The following ARPP21 variants were observed in gnomAD, a reference collection of about 807,000 sequenced individuals.
The protein encoded by ARPP21 is cAMP-regulated phosphoprotein 21.
A neutral mutation model predicts 113.2 loss-of-function variants in ARPP21; 69 were observed. The ratio of observed to expected loss-of-function variants is 0.61; its 90% confidence interval spans 0.50 to 0.74. The LOEUF (loss-of-function observed/expected upper bound fraction) is 0.74. Ranked by LOEUF, ARPP21 falls within the 30% of genes least tolerant of loss-of-function variation. ARPP21 has a pLI of 0.00. For missense variants in ARPP21, 1,070 were observed against 1,037.4 expected (o/e 1.03, Z -0.43); for synonymous variants, 368 against 375.5 (o/e 0.98, Z 0.23).
chr3:35,707,612 G>A, intron 10 of ARPP21: 1 of 448,358 alleles, frequency 2.2e-6, no homozygotes, highest in Non-Finnish European at 4.5e-6. Flanking sequence ...TCATGTTTTA[G>A]TCTTTTATCC....
intron 9 of ARPP21, among the ~76,000 whole-genome samples, chr3:35,704,947 A>T (rs1037452821): frequency 6.6e-6 from 1 of 152,106 alleles, no homozygotes; most frequent in African/African-American, 2.4e-5. Flanking sequence ...ATCTATAACA[A>T]ATTCACTTTA....
At chr3:35,769,519 T>A (rs188245085) in intron 19 of ARPP21, among the ~76,000 whole-genome samples, 14 of 152,290 alleles carry the variant, frequency 9.2e-5, no homozygotes, top group Admixed American at 1.3e-4. Context: ...ACAGCCCCGC[T>A]TTGCTTTAAG....
intron 9 of ARPP21, among the ~76,000 whole-genome samples, chr3:35,705,080 T>C (rs1171062692): frequency 6.6e-6 from 1 of 152,094 alleles, no homozygotes; most frequent in South Asian, 2.1e-4. Context: ...ATCATTTCAC[T>C]TAACTGGAGT....
At chr3:35,744,366 C>T (rs564338526) in intron 19 of ARPP21, 15 of 408,868 alleles carry the variant, frequency 3.7e-5, no homozygotes, top group South Asian at 2.2e-4. Context: ...CTAAAAGATA[C>T]TGCCTTTAGA....
chr3:35,713,834 A>G (rs964544268), intron 11 of ARPP21, among the ~76,000 whole-genome samples: 1 of 152,176 alleles, frequency 6.6e-6, no homozygotes, highest in East Asian at 1.9e-4. Context: ...ATAGAGTCTC[A>G]ATAATTCCAA....
chr3:35,756,785 G>A (rs1213916474), intron 19 of ARPP21, among the ~76,000 whole-genome samples: 1 of 152,030 alleles, frequency 6.6e-6, no homozygotes, highest in Non-Finnish European at 1.5e-5. Context: ...TTTGTTCTGA[G>A]AATAAAAAAT....
intron 19 of ARPP21, among the ~76,000 whole-genome samples, chr3:35,775,261 T>G (rs751004919): frequency 2.0e-5 from 3 of 152,132 alleles, no homozygotes; most frequent in Non-Finnish European, 4.4e-5. Context: ...CTTACATGCA[T>G]AGTGAACAAT....
intron 14 of ARPP21, among the ~76,000 whole-genome samples, chr3:35,724,662 G>A (rs544612204): frequency 1.3e-5 from 2 of 152,312 alleles, no homozygotes; most frequent in East Asian, 3.9e-4. Flanking sequence ...AATAATTTTA[G>A]GTGGTCTGGC....
Position 35,729,540 on chromosome 3 carries a change from A to C in ARPP21, c.1459+4A>C. The C allele has an allele frequency of 6.2e-7, 1 of 1,606,370 alleles. No homozygotes were observed. The highest frequency in any genetic ancestry group is 8.5e-7 in the Non-Finnish European group (1 of 1,172,912). On this transcript the variant is annotated splice_donor_region_variant and intron_variant, in intron 15 of 20. Coordinates refer to ENST00000684406, the MANE Select transcript of ARPP21 (RefSeq NM_001385562.1). Reference sequence around the variant, plus strand: ...ATCCTTCTTAATCCACACACAGGTGAGTTACTACCTGCTTTATCAGGGACA... The same window carrying C: ...ATCCTTCTTAATCCACACACAGGTGCGTTACTACCTGCTTTATCAGGGACA...
intron 9 of ARPP21, among the ~76,000 whole-genome samples, chr3:35,694,060 T>C (rs1015071700): frequency 1.3e-5 from 2 of 151,620 alleles, no homozygotes; most frequent in Non-Finnish European, 3.0e-5. Context: ...ATTGTTTAAA[T>C]AATTGTAACT....
chr3:35,765,627 G>A (rs1255568190), intron 19 of ARPP21, among the ~76,000 whole-genome samples: 2 of 152,104 alleles, frequency 1.3e-5, no homozygotes, highest in East Asian at 3.9e-4. Flanking sequence ...TGAAGACAGA[G>A]TGCTTTCAAT....
chr3:35,791,431 T>C (rs929237260), intron 19 of ARPP21, among the ~76,000 whole-genome samples: 1 of 152,160 alleles, frequency 6.6e-6, no homozygotes, highest in Non-Finnish European at 1.5e-5. Context: ...AGGAGCTTAT[T>C]ATACAGCATA....
At position 35,687,903 on chromosome 3, in the gene ARPP21, C is replaced by G; in HGVS notation, c.406+20C>G. 6.4e-7 allele frequency: 1 copy of G among 1,570,370 alleles called. No individual in the cohort carries two copies. Among genetic ancestry groups the G allele is most frequent in the South Asian group, 1.2e-5 (1 of 83,602 alleles). ...CAAAAGGTGAATGTGAAAATATTTC[C>G]TTAACTTACTCAATTTGGGCACACA... On this transcript the variant is annotated intron_variant, in intron 6 of 20. Coordinates refer to ENST00000684406, the MANE Select transcript of ARPP21 (RefSeq NM_001385562.1).
chr3:35,672,915 T>A (rs549757956), intron 1 of ARPP21, among the ~76,000 whole-genome samples: 21 of 152,174 alleles, frequency 1.4e-4, no homozygotes, highest in African/African-American at 5.1e-4. Context: ...TGTAGAAAAT[T>A]CAGTCAAAAA....
At chr3:35,732,391 T>G (rs1034301489) in intron 15 of ARPP21, among the ~76,000 whole-genome samples, 2 of 152,214 alleles carry the variant, frequency 1.3e-5, no homozygotes, top group African/African-American at 2.4e-5. Flanking sequence ...AACAGGTCCA[T>G]TTCTAACTTA....
At chr3:35,736,769 G>A (rs2094378319) in intron 15 of ARPP21, among the ~76,000 whole-genome samples, 1 of 152,304 alleles carries the variant, frequency 6.6e-6, no homozygotes, top group Admixed American at 6.5e-5. Flanking sequence ...ACTGAATGTA[G>A]CTGGAGGTGT....
Position 35,668,023 on chromosome 3 carries a change from GAAGAAGAA to G in ARPP21, c.-212-11763_-212-11756del, listed in dbSNP as rs1559550644. 2.2e-3 allele frequency among the ~76,000 whole-genome samples: 319 copies of G among 146,852 alleles called. 3 individuals are homozygous for G. Among genetic ancestry groups the G allele is most frequent in the Non-Finnish European group, 3.4e-3 (222 of 66,150 alleles). On this transcript the variant is annotated intron_variant, in intron 1 of 20. Coordinates refer to ENST00000684406, the MANE Select transcript of ARPP21 (RefSeq NM_001385562.1). Reference sequence around the variant, plus strand: ...AGAAGAAGAAGAAGAAGAAGAAGAAGAAGAAGAAGGAGAAGAAGAAGAAAGAAGAAAGT... The same window carrying G: ...AGAAGAAGAAGAAGAAGAAGAAGAAGGGAGAAGAAGAAGAAAGAAGAAAGT...
At chr3:35,643,671 G>A (rs1409293069) in intron 1 of ARPP21, 3 of 152,046 alleles carry the variant, frequency 2.0e-5, no homozygotes, top group African/African-American at 7.2e-5. Flanking sequence ...TCTCATTAGT[G>A]TGAGGAGACA....
Position 35,739,401 on chromosome 3 carries a change from G to A in ARPP21, c.1834G>A (p.Val612Ile). Reference sequence around the variant, plus strand: ...GACTCCTGAACCCCCATCAGGTCCTGTCTACCCATCCTCCCTTATGCCACA... The same window carrying A: ...GACTCCTGAACCCCCATCAGGTCCTATCTACCCATCCTCCCTTATGCCACA... Reference protein sequence around the residue: ...GETPEPPSGPVYPSSLMPQPA... With the variant: ...GETPEPPSGPIYPSSLMPQPA... Residue 612 changes from valine to isoleucine, a missense_variant, in exon 18 of 21, where the codon GTC (valine) becomes ATC (isoleucine). Transcript: ENST00000684406. 1 of 1,614,100 alleles carries A rather than the reference G, an allele frequency of 6.2e-7. No homozygotes were observed. The highest frequency in any genetic ancestry group is 8.5e-7 in the Non-Finnish European group (1 of 1,180,020).
Sources: gnomAD v4.1 joint callset for allele counts (sites outside exome capture counted in the v4.1 genomes callset) on GRCh38, gnomAD v4.1.1 for gene constraint, MANE v1.5 for transcripts, NCBI Gene and HGNC (gene_info 2026-07-23, HGNC 2026-07-21) for gene names.